The following PTPRD variants were observed in gnomAD, a reference collection of about 807,000 sequenced individuals.
PTPRD encodes the protein receptor-type tyrosine-protein phosphatase delta.
Under a neutral mutation model 214.5 loss-of-function variants are expected in PTPRD, and 34 were observed. That is an observed-to-expected ratio of 0.16 (90% confidence interval 0.12 to 0.21). PTPRD has a LOEUF of 0.21. Ranked by LOEUF, PTPRD falls within the 10% of genes least tolerant of loss-of-function variation. The pLI is 1.00. For missense variants in PTPRD, 2,545 were observed against 2,398.7 expected (o/e 1.06, Z -1.27); for synonymous variants, 1,128 against 845.7 (o/e 1.33, Z -5.79).
chr9:8,940,462 T>TTTC (rs2099026291), intron 11 of PTPRD, among the ~76,000 whole-genome samples: 1 of 120,528 alleles, frequency 8.3e-6, no homozygotes, highest in Non-Finnish European at 1.8e-5. Context: ...TTTTTTTTTT[T>TTTC]TGGTATTTTT....
chr9:10,306,889 A>G (rs1245543479), intron 3 of PTPRD, among the ~76,000 whole-genome samples: 1 of 152,138 alleles, frequency 6.6e-6, no homozygotes, highest in Non-Finnish European at 1.5e-5. Context: ...AACTATGTTT[A>G]TACAAAAATA....
intron 11 of PTPRD, among the ~76,000 whole-genome samples, chr9:8,880,956 A>C (rs2098440885): frequency 6.6e-6 from 1 of 152,074 alleles, no homozygotes; most frequent in Admixed American, 6.5e-5. Flanking sequence ...TTGTAGAGAC[A>C]GGGTTTCGCC....
chr9:9,388,195 A>T (rs1239499242), intron 9 of PTPRD, among the ~76,000 whole-genome samples: 1 of 152,138 alleles, frequency 6.6e-6, no homozygotes, highest in Non-Finnish European at 1.5e-5. Context: ...GCTGTCCAGC[A>T]ACTTCTGTCC....
chr9:10,253,393 T>C (rs1384700402), intron 3 of PTPRD, among the ~76,000 whole-genome samples: 2 of 152,202 alleles, frequency 1.3e-5, no homozygotes, highest in Non-Finnish European at 2.9e-5. Context: ...CTGACTCTTT[T>C]AATAAAGAAG....
intron 30 of PTPRD, among the ~76,000 whole-genome samples, chr9:8,477,148 G>A (rs560774032): frequency 2.0e-4 from 30 of 151,990 alleles, no homozygotes; most frequent in Non-Finnish European, 4.3e-4. Flanking sequence ...ATTGCTTTTG[G>A]AGCTAGCTTT....
intron 2 of PTPRD, among the ~76,000 whole-genome samples, chr9:10,493,628 T>C (rs1223646477): frequency 6.6e-6 from 1 of 152,060 alleles, no homozygotes; most frequent in African/African-American, 2.4e-5. Flanking sequence ...ACTTGGTCAA[T>C]TGTTGAGGAC....
At chr9:10,111,949 A>G (rs35523818) in intron 3 of PTPRD, among the ~76,000 whole-genome samples, 2,289 of 152,258 alleles carry the variant, frequency 0.015, 29 homozygotes, top group African/African-American at 0.03. Flanking sequence ...TCAGTTTCGC[A>G]TTTCAGCTAA....
chr9:8,993,085 G>T lies in PTPRD; in HGVS notation c.-104+25612C>A, dbSNP rs556379910. 1.6e-3 allele frequency among the ~76,000 whole-genome samples: 238 copies of T among 152,202 alleles called. 2 individuals are homozygous for T. Among genetic ancestry groups the T allele is most frequent in the Middle Eastern group, 6.8e-3 (2 of 294 alleles). On this transcript the variant is annotated intron_variant, in intron 11 of 45. Coordinates refer to ENST00000381196, the MANE Select transcript of PTPRD (RefSeq NM_002839.4). ...AATAGTGTTACATAATCTTATCTCA[G>T]AAATCAATCAGAGGAAGAATAATTA... is the stretch of plus-strand genomic sequence containing the variant.
chr9:9,554,787 G>A (rs1248050937), intron 8 of PTPRD, among the ~76,000 whole-genome samples: 1 of 152,012 alleles, frequency 6.6e-6, no homozygotes, highest in Non-Finnish European at 1.5e-5. Context: ...TAGACTTAAT[G>A]GAATTTGCCC....
chr9:10,345,492 A>G (rs749774710), intron 2 of PTPRD, among the ~76,000 whole-genome samples: 9 of 128,808 alleles, frequency 7.0e-5, no homozygotes, highest in Non-Finnish European at 1.4e-4. Flanking sequence ...TTCTACTCCC[A>G]CTTATGAGTG....
chr9:8,708,574 G>C (rs1372545222), intron 12 of PTPRD, among the ~76,000 whole-genome samples: 1 of 150,590 alleles, frequency 6.6e-6, no homozygotes, highest in Non-Finnish European at 1.5e-5. Flanking sequence ...AGCTACTCAG[G>C]AGACTGAGGC....
chr9:8,799,532 T>C (rs747468825), intron 11 of PTPRD, among the ~76,000 whole-genome samples: 2 of 152,164 alleles, frequency 1.3e-5, no homozygotes, highest in Non-Finnish European at 2.9e-5. Flanking sequence ...GAAGGAAGTG[T>C]TACCTTGCAG....
intron 3 of PTPRD, among the ~76,000 whole-genome samples, chr9:10,095,310 A>T (rs947606417): frequency 6.6e-6 from 1 of 151,510 alleles, no homozygotes; most frequent in African/African-American, 2.4e-5. Context: ...CATAATATAG[A>T]CTACTTCATT....
chr9:9,962,342 A>C (rs1348058831), intron 4 of PTPRD, among the ~76,000 whole-genome samples: 1 of 152,132 alleles, frequency 6.6e-6, no homozygotes, highest in Non-Finnish European at 1.5e-5. Context: ...CAATAAAGGA[A>C]GCTAAAGGCA....
chr9:9,041,174 TA>T (rs199888509), intron 10 of PTPRD, among the ~76,000 whole-genome samples: 2,252 of 152,252 alleles, frequency 0.015, 29 homozygotes, highest in East Asian at 0.038. Context: ...ATGAAAATAT[TA>T]AAAAAATATA....
At chr9:8,367,255 G>C (rs2080172761) in intron 39 of PTPRD, among the ~76,000 whole-genome samples, 1 of 152,004 alleles carries the variant, frequency 6.6e-6, no homozygotes, top group South Asian at 2.1e-4. Context: ...GAAGCTTTGA[G>C]GTGGGTTATC....
rs541629249 is a variant in PTPRD at position 9,943,126 on chromosome 9, A to C, written c.-471-4516T>G. 5.9e-5 allele frequency among the ~76,000 whole-genome samples: 9 copies of C among 152,238 alleles called. No homozygotes were observed. In the South Asian group the frequency reaches 1.9e-3, roughly 32 times the overall value. ...GGTCCTGAGACAATATCGTAGTACA[A>C]TCAAACTCAAAATGAAGACATATTA... On this transcript the variant is annotated intron_variant, in intron 4 of 45. Coordinates refer to ENST00000381196, the MANE Select transcript of PTPRD (RefSeq NM_002839.4).
At chr9:10,562,230 T>C (rs2064178499) in intron 2 of PTPRD, among the ~76,000 whole-genome samples, 2 of 152,168 alleles carry the variant, frequency 1.3e-5, no homozygotes, top group African/African-American at 2.4e-5. Context: ...CTATGTACTA[T>C]GACCACTTCT....
chr9:8,348,976 C>T (rs1313848142), intron 39 of PTPRD, among the ~76,000 whole-genome samples: 2 of 152,028 alleles, frequency 1.3e-5, no homozygotes, highest in Non-Finnish European at 1.5e-5. Context: ...ACAACAGCTT[C>T]GTTGTCTCTA....
Sources: allele counts gnomAD v4.1 joint callset (sites outside exome capture counted in the v4.1 genomes callset), GRCh38; gene constraint gnomAD v4.1.1; transcripts MANE v1.5; gene names NCBI Gene and HGNC (gene_info 2026-07-23, HGNC 2026-07-21).